TCF7L2: variants seen among roughly 807,000 people sequenced by gnomAD.
TCF7L2 encodes transcription factor 7-like 2.
TCF7L2 carries 23 observed loss-of-function variants against 77.9 expected under a neutral mutation model. The ratio of observed to expected loss-of-function variants is 0.30; its 90% CI spans 0.21 to 0.42. The LOEUF is 0.42. Among genes scored for constraint, TCF7L2 ranks in the 10% least tolerant of loss-of-function variants. The pLI, the probability that TCF7L2 is intolerant of heterozygous loss-of-function variation, is 1.00. For missense variants in TCF7L2, 654 were observed against 793.1 expected (o/e 0.82, Z 2.11); for synonymous variants, 413 against 340.2 (o/e 1.21, Z -2.36).
chr10:112,977,003 A>G (rs542151622), intron 4 of TCF7L2, among the ~76,000 whole-genome samples: 2 of 150,648 alleles, frequency 1.3e-5, no homozygotes, highest in African/African-American at 4.9e-5. Context: ...AATGTCAGGC[A>G]GCATTACCTG....
Position 112,982,245 on chromosome 10 carries a change from A to G in TCF7L2, c.450+17621A>G, listed in dbSNP as rs531403924. Among the ~76,000 whole-genome samples, 16 of 152,176 alleles carry G rather than the reference A, an allele frequency of 1.1e-4. No homozygotes were observed. In the South Asian group the frequency reaches 3.1e-3, roughly 30 times the overall value. On this transcript the variant is annotated intron_variant, in intron 4 of 13. Coordinates refer to ENST00000627217, the MANE Select transcript of TCF7L2 (RefSeq NM_001146274.2). ...ACCACTTTTTTTTTTAAAAAATAAC[A>G]TAAGGCTGAAACTTTTTAATTGGGC...
At chr10:113,127,608 CT>C (rs771164764) in intron 5 of TCF7L2, among the ~76,000 whole-genome samples, 2 of 150,560 alleles carry the variant, frequency 1.3e-5, no homozygotes. Flanking sequence ...TTGTTGCTGT[CT>C]TTTTTTTTAA....
At chr10:112,984,822 G>A (rs1307758002) in intron 4 of TCF7L2, among the ~76,000 whole-genome samples, 1 of 152,190 alleles carries the variant, frequency 6.6e-6, no homozygotes, top group Non-Finnish European at 1.5e-5. Flanking sequence ...GCCCCCACAG[G>A]ATGGATGCAG....
chr10:113,095,394 T>G (rs766741512), intron 5 of TCF7L2, among the ~76,000 whole-genome samples: 50 of 152,210 alleles, frequency 3.3e-4, no homozygotes, highest in Non-Finnish European at 5.4e-4. Context: ...TTATTTTTAT[T>G]TTTTCCTTTC....
At chr10:113,001,550 A>T (rs1689268503) in intron 4 of TCF7L2, among the ~76,000 whole-genome samples, 1 of 151,128 alleles carries the variant, frequency 6.6e-6, no homozygotes, top group Admixed American at 6.6e-5. Context: ...TGGAGGGAGG[A>T]CTACTCTAAA....
intron 4 of TCF7L2, among the ~76,000 whole-genome samples, chr10:112,998,700 G>A (rs1190702092): frequency 6.6e-6 from 1 of 152,224 alleles, no homozygotes; most frequent in Non-Finnish European, 1.5e-5. Context: ...AAAGGTTAGA[G>A]GGGCCCTGGA....
chr10:113,058,242 T>G (rs2055747806), intron 5 of TCF7L2, among the ~76,000 whole-genome samples: 1 of 152,156 alleles, frequency 6.6e-6, no homozygotes, highest in African/African-American at 2.4e-5. Flanking sequence ...TACATTCAAA[T>G]ATGCCATGAA....
chr10:113,104,495 C>A (rs2062030053), intron 5 of TCF7L2, among the ~76,000 whole-genome samples: 2 of 152,150 alleles, frequency 1.3e-5, no homozygotes, highest in Non-Finnish European at 2.9e-5. Flanking sequence ...GATTTTACCC[C>A]TAACGCCGTC....
intron 5 of TCF7L2, among the ~76,000 whole-genome samples, chr10:113,052,567 A>G (rs895342752): frequency 1.3e-5 from 2 of 152,236 alleles, no homozygotes; most frequent in Non-Finnish European, 2.9e-5. Flanking sequence ...CGAACCCAGA[A>G]TGAGGATGTA....
chr10:113,117,428 TCTCTCC>T lies in TCF7L2; in HGVS notation c.553-23750_553-23745del, dbSNP rs1564916541. Among the ~76,000 whole-genome samples the T allele has an allele frequency of 4.2e-3, 105 of 24,814 alleles. 17 individuals are homozygous for T. The highest frequency in any genetic ancestry group is 0.041 in the East Asian group (37 of 896). 16.3% of individuals were successfully genotyped at this position (24,814 alleles called of 152,430 possible). A position where few individuals can be genotyped will look rare whatever the true frequency, so the allele number is the denominator to read the frequency against. Reference sequence around the variant, plus strand: ...CTCTCTCTCTCTCTCTCTCTCTCTCTCTCTCCCTCTCTCTCTCTCTCTCTCTCTCTT... The same window carrying T: ...CTCTCTCTCTCTCTCTCTCTCTCTCTCTCTCTCTCTCTCTCTCTCTCTCTT... On this transcript the variant is annotated intron_variant, in intron 5 of 13. Coordinates refer to ENST00000627217, the MANE Select transcript of TCF7L2 (RefSeq NM_001146274.2).
chr10:112,989,739 G>C (rs115116632), intron 4 of TCF7L2, among the ~76,000 whole-genome samples: 1,611 of 152,296 alleles, frequency 0.011, 28 homozygotes, highest in African/African-American at 0.036. Context: ...ACAGCAGCGT[G>C]ATAGCATTTC....
intron 5 of TCF7L2, among the ~76,000 whole-genome samples, chr10:113,054,153 G>A: frequency 6.6e-6 from 1 of 152,226 alleles, no homozygotes; most frequent in Middle Eastern, 3.2e-3. Flanking sequence ...ATGAACTCAT[G>A]GCAAAAGAAA....
intron 4 of TCF7L2, among the ~76,000 whole-genome samples, chr10:112,972,498 C>T (rs111580053): frequency 1.4e-3 from 207 of 152,258 alleles, no homozygotes; most frequent in African/African-American, 4.8e-3. Context: ...GAGACAGGGT[C>T]TCACTCTGTC....
intron 5 of TCF7L2, chr10:113,132,930 G>T (rs990087433): frequency 2.6e-5 from 4 of 152,128 alleles, no homozygotes; most frequent in Non-Finnish European, 5.9e-5. Context: ...TGAGAATTTT[G>T]TGACGCTGCC....
intron 5 of TCF7L2, among the ~76,000 whole-genome samples, chr10:113,063,150 C>T (rs2056743148): frequency 6.6e-6 from 1 of 152,126 alleles, no homozygotes; most frequent in African/African-American, 2.4e-5. Context: ...GGGTGGCCCT[C>T]CTAAGCCCTA....
intron 5 of TCF7L2, among the ~76,000 whole-genome samples, chr10:113,052,121 G>A (rs1034142063): frequency 1.3e-5 from 2 of 152,160 alleles, no homozygotes; most frequent in Non-Finnish European, 2.9e-5. Flanking sequence ...GGTTCTGTAC[G>A]TTTTCCTTTA....
chr10:113,007,395 G>C (rs1239489474), intron 4 of TCF7L2, among the ~76,000 whole-genome samples: 1 of 152,208 alleles, frequency 6.6e-6, no homozygotes, highest in Non-Finnish European at 1.5e-5. Context: ...CTTTTGGCCA[G>C]GATTTTAACA....
intron 3 of TCF7L2, among the ~76,000 whole-genome samples, chr10:112,959,015 T>C (rs1237211476): frequency 6.6e-6 from 1 of 152,228 alleles, no homozygotes; most frequent in Non-Finnish European, 1.5e-5. Context: ...GCTAGAAATA[T>C]GTTTTGTACA....
intron 4 of TCF7L2, among the ~76,000 whole-genome samples, chr10:112,976,476 AG>A (rs1478218456): frequency 2.6e-5 from 4 of 152,184 alleles, no homozygotes; most frequent in African/African-American, 9.7e-5. Context: ...GCACTTCTGA[AG>A]GGCTAAGATT....
Sources: gnomAD v4.1 joint callset for allele counts (sites outside exome capture counted in the v4.1 genomes callset) on GRCh38, gnomAD v4.1.1 for gene constraint, MANE v1.5 for transcripts, NCBI Gene and HGNC (gene_info 2026-07-23, HGNC 2026-07-21) for gene names.